Variants in IFTAP observed in about 807,000 individuals in gnomAD.
IFTAP encodes the protein intraflagellar transport-associated protein.
In IFTAP, 19 loss-of-function variants were observed where a neutral mutation model predicts 19.4. That is an observed-to-expected ratio of 0.98 (90% CI 0.68 to 1.44). IFTAP has a LOEUF of 1.44. IFTAP is among the 40% of genes most tolerant of loss of function. The probability of loss-of-function intolerance (pLI) is 0.00; values close to 1 mark genes in which losing one functional copy is unlikely to be tolerated. For missense variants in IFTAP, 240 were observed against 253.6 expected, an observed-to-expected ratio of 0.95 and a Z score of 0.36; for synonymous variants, 85 against 83.5, an observed-to-expected ratio of 1.02 and a Z score of -0.10.
chr11:36,643,488 G>GA (rs773251761), intron 4 of IFTAP, among the ~76,000 whole-genome samples: 1 of 151,902 alleles, frequency 6.6e-6, no homozygotes, highest in Admixed American at 6.6e-5. Flanking sequence ...CATATAATTG[G>GA]AAAAACTACT....
chr11:36,650,566 A>C (rs1853676396), intron 5 of IFTAP, among the ~76,000 whole-genome samples: 1 of 151,340 alleles, frequency 6.6e-6, no homozygotes, highest in Non-Finnish European at 1.5e-5. Flanking sequence ...TCCAAAAAAA[A>C]AATATATTTT....
At chr11:36,658,928 T>C in intron 5 of IFTAP, 91 bp from the exon 6 acceptor site, 1 of 952,644 alleles carries the variant, frequency 1.0e-6, no homozygotes, top group South Asian at 2.4e-5. Flanking sequence ...AAAAAAGGTT[T>C]AATTAAATAT....
At chr11:36,601,810 T>G (rs114689725) in intron 1 of IFTAP, among the ~76,000 whole-genome samples, 2,000 of 151,640 alleles carry the variant, frequency 0.013, 58 homozygotes, top group African/African-American at 0.046. Context: ...GACACCATCA[T>G]GCTCAGCTAA....
rs562909700 is a variant in IFTAP at position 36,651,493 on chromosome 11, T to G, written c.498+3338T>G. Among the ~76,000 whole-genome samples, 4 of 152,340 alleles carry G rather than the reference T, an allele frequency of 2.6e-5. No individual in the cohort carries two copies. The East Asian group carries it at 7.7e-4, about 29-fold the overall frequency. On this transcript the variant is annotated intron_variant, in intron 5 of 5. Coordinates refer to ENST00000334307, the MANE Select transcript of IFTAP (RefSeq NM_138787.4). ...GTAGATTGCAAAAATTTTCTCCCAT[T>G]CTGTAGGTTGCCTGTTCACTCTGAG...
At chr11:36,623,006 T>C (rs1248468687) in intron 2 of IFTAP, among the ~76,000 whole-genome samples, 2 of 152,266 alleles carry the variant, frequency 1.3e-5, no homozygotes, top group South Asian at 4.1e-4. Flanking sequence ...ATCAGGCAAA[T>C]GTATTTACAT....
At chr11:36,623,361 C>G (rs891714025) in intron 2 of IFTAP, among the ~76,000 whole-genome samples, 3 of 150,868 alleles carry the variant, frequency 2.0e-5, no homozygotes, top group Admixed American at 6.6e-5. Flanking sequence ...GATACTCCCC[C>G]CCCCACTCAA....
At chr11:36,608,296 A>G (rs545810413) in intron 1 of IFTAP, among the ~76,000 whole-genome samples, 21 of 152,316 alleles carry the variant, frequency 1.4e-4, no homozygotes, top group African/African-American at 5.1e-4. Context: ...ATTTTATATC[A>G]TACACATGCT....
chr11:36,625,168 T>A (rs1018791354), intron 2 of IFTAP, among the ~76,000 whole-genome samples: 2 of 152,162 alleles, frequency 1.3e-5, no homozygotes, highest in African/African-American at 4.8e-5. Context: ...ATTTCTGAGC[T>A]TCAGTTTTAT....
At chr11:36,656,888 C>T (rs557920404) in intron 5 of IFTAP, among the ~76,000 whole-genome samples, 163 of 152,070 alleles carry the variant, frequency 1.1e-3, no homozygotes, top group African/African-American at 3.2e-3. Flanking sequence ...ACACAGCAAA[C>T]GGATTTGTCT....
chr11:36,623,694 G>A (rs1852394716), intron 2 of IFTAP, among the ~76,000 whole-genome samples: 1 of 152,106 alleles, frequency 6.6e-6, no homozygotes, highest in Admixed American at 6.6e-5. Context: ...TGAGTGTTTT[G>A]CCATTAGCAA....
At chr11:36,645,273 CA>C (rs1853435883) in intron 4 of IFTAP, among the ~76,000 whole-genome samples, 1 of 152,076 alleles carries the variant, frequency 6.6e-6, no homozygotes, top group Non-Finnish European at 1.5e-5. Flanking sequence ...AATACAGAGA[CA>C]AATGGCATGA....
Position 36,616,138 on chromosome 11 carries a change from C to A in IFTAP, c.136+5899C>A, listed in dbSNP as rs146551876. 5.9e-5 allele frequency among the ~76,000 whole-genome samples: 9 copies of A among 152,048 alleles called. No individual in the cohort carries two copies. In the East Asian group the frequency reaches 1.7e-3, roughly 29 times the overall value. ...CTGTCGGGAGTTACAGTAGTTATTT[C>A]CAAATCTCTCTTTCTCTCTCTCACA... On this transcript the variant is annotated intron_variant, in intron 2 of 5. Coordinates refer to ENST00000334307, the MANE Select transcript of IFTAP (RefSeq NM_138787.4).
rs116649983 is a variant in IFTAP at position 36,627,813 on chromosome 11, A to C, written c.137-5471A>C. On this transcript the variant is annotated intron_variant, in intron 2 of 5. Coordinates refer to ENST00000334307, the MANE Select transcript of IFTAP (RefSeq NM_138787.4). ...ACTTGACAGGTTGTTATCATGCTGTATTTGCACCCACCATCACAGAGATTG... is the reference window on the plus strand; with the variant it reads ...ACTTGACAGGTTGTTATCATGCTGTCTTTGCACCCACCATCACAGAGATTG... Among the ~76,000 whole-genome samples the C allele has an allele frequency of 7.3e-3, 1,109 of 150,928 alleles. 81 individuals are homozygous for C. Among genetic ancestry groups the C allele is most frequent in the African/African-American group, 0.026 (1,052 of 40,364 alleles).
intron 1 of IFTAP, among the ~76,000 whole-genome samples, chr11:36,596,999 T>A (rs529605319): frequency 1.6e-4 from 25 of 152,334 alleles, no homozygotes; most frequent in African/African-American, 6.0e-4. Flanking sequence ...GCTCTGCTTT[T>A]GGCTCATTTC....
At chr11:36,618,659 A>G (rs913013268) in intron 2 of IFTAP, among the ~76,000 whole-genome samples, 4 of 152,036 alleles carry the variant, frequency 2.6e-5, no homozygotes, top group African/African-American at 9.7e-5. Context: ...AGGAACACCC[A>G]CATTTAGTGG....
chr11:36,597,241 T>C (rs899554245), intron 1 of IFTAP, among the ~76,000 whole-genome samples: 5 of 152,198 alleles, frequency 3.3e-5, no homozygotes, highest in African/African-American at 1.2e-4. Context: ...TTCACTGGAG[T>C]AGACCATTGT....
At chr11:36,622,114 C>A (rs1852318591) in intron 2 of IFTAP, among the ~76,000 whole-genome samples, 1 of 140,430 alleles carries the variant, frequency 7.1e-6, no homozygotes, top group Non-Finnish European at 1.5e-5. Flanking sequence ...GAAGGCTCTC[C>A]TGGAGTTTCC....
intron 1 of IFTAP, among the ~76,000 whole-genome samples, chr11:36,599,988 C>A (rs887617454): frequency 6.6e-6 from 1 of 152,176 alleles, no homozygotes; most frequent in Non-Finnish European, 1.5e-5. Context: ...CATCAAAAAA[C>A]AGGCAATTTT....
intron 3 of IFTAP, among the ~76,000 whole-genome samples, chr11:36,635,738 T>C (rs974378092): frequency 1.2e-4 from 18 of 152,172 alleles, no homozygotes; most frequent in African/African-American, 3.9e-4. Context: ...ATGGTGGTGG[T>C]ATATATTCTG....
Sources: gnomAD v4.1 joint callset for allele counts (sites outside exome capture counted in the v4.1 genomes callset) on GRCh38, gnomAD v4.1.1 for gene constraint, MANE v1.5 for transcripts, NCBI Gene and HGNC (gene_info 2026-07-23, HGNC 2026-07-21) for gene names.